The following MAP2K6 variants were observed in gnomAD, a reference collection of about 807,000 sequenced individuals.
MAP2K6 encodes the protein mitogen-activated protein kinase kinase 6.
In MAP2K6, 16 loss-of-function variants were observed where a neutral mutation model predicts 53.7. The ratio of observed to expected loss-of-function variants is 0.30; its 90% confidence interval spans 0.20 to 0.45. MAP2K6 has a LOEUF of 0.45. Among genes scored for constraint, MAP2K6 ranks in the 20% least tolerant of loss-of-function variants. MAP2K6 has a pLI of 1.00. For missense variants in MAP2K6, 204 were observed against 411.9 expected, an observed-to-expected ratio of 0.50 and a Z score of 4.37; for synonymous variants, 132 against 143.1, an observed-to-expected ratio of 0.92 and a Z score of 0.55.
At chr17:69,419,828 C>T (rs1598251795) in intron 1 of MAP2K6, among the ~76,000 whole-genome samples, 1 of 151,340 alleles carries the variant, frequency 6.6e-6, no homozygotes, top group African/African-American at 2.4e-5. Flanking sequence ...TTGGGAGAAT[C>T]GCTTGAACCT....
intron 1 of MAP2K6, among the ~76,000 whole-genome samples, chr17:69,451,400 C>T (rs913522791): frequency 1.3e-4 from 20 of 152,162 alleles, no homozygotes; most frequent in Non-Finnish European, 1.3e-4. Flanking sequence ...CCCCTTGATG[C>T]GACTCTAAAA....
At chr17:69,530,618 A>G (rs1237961018) in intron 10 of MAP2K6, among the ~76,000 whole-genome samples, 1 of 152,158 alleles carries the variant, frequency 6.6e-6, no homozygotes, top group Non-Finnish European at 1.5e-5. Flanking sequence ...CCTATTTCAG[A>G]TCCCAGGTCA....
intron 10 of MAP2K6, among the ~76,000 whole-genome samples, chr17:69,530,253 T>G (rs1304826181): frequency 3.3e-5 from 5 of 152,260 alleles, no homozygotes; most frequent in East Asian, 1.9e-4. Flanking sequence ...AGGCTGAGGC[T>G]GCAGTGAGCC....
chr17:69,528,331 C>T (rs1228338259), intron 10 of MAP2K6, among the ~76,000 whole-genome samples: 1 of 152,072 alleles, frequency 6.6e-6, no homozygotes, highest in Non-Finnish European at 1.5e-5. Context: ...GGGCTGGAGC[C>T]TCGAGCACTA....
chr17:69,487,135 C>A (rs537856361), intron 1 of MAP2K6, among the ~76,000 whole-genome samples: 2 of 152,148 alleles, frequency 1.3e-5, no homozygotes, highest in Non-Finnish European at 2.9e-5. Context: ...TAATCCTGGA[C>A]TTTTTCCTTT....
intron 2 of MAP2K6, among the ~76,000 whole-genome samples, chr17:69,507,574 T>C (rs1215466190): frequency 1.3e-5 from 2 of 152,018 alleles, no homozygotes; most frequent in African/African-American, 4.8e-5. Flanking sequence ...ATAAACAAAA[T>C]CATGCATCTC....
At chr17:69,423,146 G>GTGC (rs1906150035) in intron 1 of MAP2K6, among the ~76,000 whole-genome samples, 1 of 152,126 alleles carries the variant, frequency 6.6e-6, no homozygotes, top group Admixed American at 6.5e-5. Context: ...GCCTCCCAAA[G>GTGC]TGCTGGGATT....
intron 1 of MAP2K6, among the ~76,000 whole-genome samples, chr17:69,495,206 T>C (rs1908901137): frequency 6.6e-6 from 1 of 152,008 alleles, no homozygotes; most frequent in Admixed American, 6.6e-5. Flanking sequence ...AGAACATCTT[T>C]ATATATTGGT....
At chr17:69,434,217 A>T (rs1364622058) in intron 1 of MAP2K6, 2 of 152,164 alleles carry the variant, frequency 1.3e-5, no homozygotes, top group Admixed American at 1.3e-4. Flanking sequence ...TTCTTTAACT[A>T]CCATTTGATG....
chr17:69,442,817 C>T (rs751493635), intron 1 of MAP2K6, among the ~76,000 whole-genome samples: 42 of 152,116 alleles, frequency 2.8e-4, no homozygotes, highest in Admixed American at 6.5e-5. Flanking sequence ...TCTCAGTTTC[C>T]CCATCTGTAA....
At position 69,532,255 on chromosome 17, in the gene MAP2K6, C is replaced by T. The variant is rs59993164; in HGVS notation, c.882-3860C>T. On this transcript the variant is annotated intron_variant, in intron 10 of 11. Transcript: ENST00000590474. Reference sequence around the variant, plus strand: ...TTATTTAGCTTTTGACAAATGTATGCCTTGAAACGCGCAATGTGTTTTTAT... The same window carrying T: ...TTATTTAGCTTTTGACAAATGTATGTCTTGAAACGCGCAATGTGTTTTTAT... Among the ~76,000 whole-genome samples, 577 of 152,286 alleles carry T rather than the reference C, an allele frequency of 3.8e-3. 7 individuals carry two copies. The highest frequency in any genetic ancestry group is 0.013 in the African/African-American group (551 of 41,552).
chr17:69,491,573 G>T (rs1908754999), intron 1 of MAP2K6, among the ~76,000 whole-genome samples: 1 of 152,034 alleles, frequency 6.6e-6, no homozygotes, highest in Admixed American at 6.5e-5. Context: ...TATTCCTCTG[G>T]ATATAGACCC....
chr17:69,552,335 T>G lies in MAP2K6; in HGVS notation c.*10582T>G, dbSNP rs902561950. 1 of 152,212 alleles carries G rather than the reference T, an allele frequency of 6.6e-6. No homozygotes were observed. 9.4% of individuals were successfully genotyped at this position (152,212 alleles called of 1,614,324 possible). A position where few individuals can be genotyped will look rare whatever the true frequency, so the allele number is the denominator to read the frequency against. ...GTCTTTCAAAACCCACCTCCAGCAC[T>G]TCAAAGTAGTGTCTCTGGAGAGTTT... On this transcript the variant is annotated 3_prime_UTR_variant, in exon 12 of 12. Coordinates refer to ENST00000590474, the MANE Select transcript of MAP2K6 (RefSeq NM_002758.4).
At chr17:69,451,115 G>C (rs1907209809) in intron 1 of MAP2K6, among the ~76,000 whole-genome samples, 1 of 152,242 alleles carries the variant, frequency 6.6e-6, no homozygotes, top group Non-Finnish European at 1.5e-5. Flanking sequence ...GCAAGAATTT[G>C]TCATGGCTGA....
chr17:69,431,178 T>G (rs1906451330), intron 1 of MAP2K6, among the ~76,000 whole-genome samples: 1 of 152,184 alleles, frequency 6.6e-6, no homozygotes, highest in Non-Finnish European at 1.5e-5. Context: ...GTGCATAACT[T>G]GTCTCAGATT....
Position 69,552,806 on chromosome 17 carries a change from T to C in MAP2K6, c.*11053T>C, listed in dbSNP as rs1457409002. 2 of 152,196 alleles carry C rather than the reference T, an allele frequency of 1.3e-5. No individual in the cohort carries two copies. Among genetic ancestry groups the C allele is most frequent in the Admixed American group, 1.3e-4 (2 of 15,284 alleles). 9.4% of individuals were successfully genotyped at this position (152,196 alleles called of 1,614,324 possible). ...CTGTTGGCTTTGGTGGCTCCAAACA[T>C]TTTCATTTTAGGCTAGCTTTCCTGT... is the stretch of plus-strand genomic sequence containing the variant. On this transcript the variant is annotated 3_prime_UTR_variant, in exon 12 of 12. Coordinates refer to ENST00000590474, the MANE Select transcript of MAP2K6 (RefSeq NM_002758.4).
intron 1 of MAP2K6, among the ~76,000 whole-genome samples, chr17:69,456,148 A>G (rs1907405190): frequency 1.3e-5 from 2 of 152,200 alleles, no homozygotes; most frequent in Non-Finnish European, 2.9e-5. Context: ...GGCGTGAGCC[A>G]CAGCTCCTGT....
chr17:69,530,900 G>T (rs1373431900), intron 10 of MAP2K6, among the ~76,000 whole-genome samples: 1 of 152,058 alleles, frequency 6.6e-6, no homozygotes, highest in Non-Finnish European at 1.5e-5. Flanking sequence ...TCTGGAGCTT[G>T]GTGGAAAGAA....
At chr17:69,523,698 G>T in intron 8 of MAP2K6, 57 bp downstream of exon 8, 1 of 1,595,124 alleles carries the variant, frequency 6.3e-7, no homozygotes. Context: ...AATCATGCTG[G>T]GAAACAAGAA....
Sources: allele counts gnomAD v4.1 joint callset (sites outside exome capture counted in the v4.1 genomes callset), GRCh38; gene constraint gnomAD v4.1.1; transcripts MANE v1.5; gene names NCBI Gene and HGNC (gene_info 2026-07-23, HGNC 2026-07-21).